Variants in PDS5A observed in about 807,000 individuals in gnomAD.
PDS5A encodes the protein PDS5 cohesin associated factor A.
PDS5A carries 42 observed loss-of-function variants against 167.1 expected under a neutral mutation model. The ratio of observed to expected loss-of-function variants is 0.25; its 90% CI spans 0.20 to 0.33. The LOEUF is 0.33. PDS5A is among the 10% of genes least tolerant of loss of function. PDS5A has a pLI of 1.00. For synonymous variants in PDS5A, 553 were observed against 554.6 expected (o/e 1.00, Z 0.04); for missense variants, 1,033 against 1,605.9 (o/e 0.64, Z 6.10).
chr4:39,943,479 A>G (rs767195297), intron 2 of PDS5A, among the ~76,000 whole-genome samples: 14 of 151,928 alleles, frequency 9.2e-5, no homozygotes, highest in Non-Finnish European at 1.6e-4. Context: ...TCCAAACCCA[A>G]TTCTATTTTA....
intron 11 of PDS5A, among the ~76,000 whole-genome samples, 155 bp from the exon 12 acceptor site, chr4:39,904,346 A>T (rs1389920606): frequency 1.3e-5 from 2 of 150,346 alleles, no homozygotes; most frequent in Admixed American, 1.3e-4. Context: ...AAACAATTTT[A>T]TTTTTTTTTT....
intron 26 of PDS5A, among the ~76,000 whole-genome samples, chr4:39,854,467 C>T (rs1277935871): frequency 6.6e-6 from 1 of 152,122 alleles, no homozygotes; most frequent in Non-Finnish European, 1.5e-5. Flanking sequence ...CTTTGACCTC[C>T]AATATTCTTC....
chr4:39,850,353 G>GGTA (rs778095879), intron 26 of PDS5A, among the ~76,000 whole-genome samples: 1 of 151,944 alleles, frequency 6.6e-6, no homozygotes, highest in Non-Finnish European at 1.5e-5. Flanking sequence ...AGCTGGGCAT[G>GGTA]GTAGTGGGCT....
At chr4:39,890,621 C>T (rs1446239152) in intron 16 of PDS5A, among the ~76,000 whole-genome samples, 1 of 151,964 alleles carries the variant, frequency 6.6e-6, no homozygotes, top group African/African-American at 2.4e-5. Flanking sequence ...GTTGATATAG[C>T]AACTTTTTTT....
chr4:39,842,740 C>G (rs1004294445), intron 30 of PDS5A, among the ~76,000 whole-genome samples: 3 of 150,912 alleles, frequency 2.0e-5, no homozygotes, highest in Non-Finnish European at 2.9e-5. Context: ...CACAAACACC[C>G]CATAAATATG....
At chr4:39,909,580 C>T (rs1723718256) in intron 10 of PDS5A, among the ~76,000 whole-genome samples, 1 of 152,160 alleles carries the variant, frequency 6.6e-6, no homozygotes, top group African/African-American at 2.4e-5. Context: ...CAGGTATATA[C>T]TTGCAAATTA....
intron 2 of PDS5A, among the ~76,000 whole-genome samples, chr4:39,944,065 C>T (rs1727501887): frequency 1.3e-5 from 2 of 150,024 alleles, no homozygotes; most frequent in African/African-American, 4.9e-5. Context: ...GTAGTCCCAG[C>T]TACTCAGGAG....
chr4:39,898,310 GTA>G, intron 16 of PDS5A, 77 bp downstream of exon 16: 1 of 1,418,486 alleles, frequency 7.0e-7, no homozygotes, highest in Non-Finnish European at 9.3e-7. Flanking sequence ...ACAAATCACT[GTA>G]TGTAAAACAG....
At chr4:39,885,972 A>G (rs1407306048) in intron 17 of PDS5A, among the ~76,000 whole-genome samples, 7 of 152,230 alleles carry the variant, frequency 4.6e-5, no homozygotes, top group African/African-American at 1.7e-4. Flanking sequence ...GAGAAAGAAA[A>G]AAAAGCCAAT....
chr4:39,895,361 C>T (rs560958229), intron 16 of PDS5A, among the ~76,000 whole-genome samples: 1 of 152,228 alleles, frequency 6.6e-6, no homozygotes, highest in African/African-American at 2.4e-5. Context: ...GGAACTGTAA[C>T]ACAGTGGTAT....
intron 13 of PDS5A, among the ~76,000 whole-genome samples, chr4:39,900,965 T>G (rs978793626): frequency 6.6e-6 from 1 of 152,220 alleles, no homozygotes; most frequent in Non-Finnish European, 1.5e-5. Context: ...CACTATAGAC[T>G]ATTTTGAAAA....
chr4:39,844,111 C>T (rs1455075032), intron 30 of PDS5A, among the ~76,000 whole-genome samples: 1 of 152,022 alleles, frequency 6.6e-6, no homozygotes, highest in African/African-American at 2.4e-5. Flanking sequence ...GATCCTGCCA[C>T]TGCCCTCCAG....
At chr4:39,842,565 T>C (rs77133261) in intron 30 of PDS5A, among the ~76,000 whole-genome samples, 3,128 of 152,246 alleles carry the variant, frequency 0.021, 58 homozygotes, top group Non-Finnish European at 0.032. Flanking sequence ...AAAACATCAT[T>C]GGTTGAGTTT....
At chr4:39,871,852 C>T (rs1388629187) in intron 21 of PDS5A, among the ~76,000 whole-genome samples, 11 of 151,780 alleles carry the variant, frequency 7.2e-5, no homozygotes, top group Admixed American at 6.6e-4. Flanking sequence ...TACAGGCACT[C>T]GCCACCAAGC....
Position 39,879,793 on chromosome 4 carries a change from C to A in PDS5A, c.1927G>T (p.Ala643Ser). 6.2e-7 allele frequency: 1 copy of A among 1,611,496 alleles called. No individual in the cohort carries two copies. The highest frequency in any genetic ancestry group is 8.5e-7 in the Non-Finnish European group (1 of 1,177,780). The change falls in exon 18 of 33, where the codon GCA (alanine) becomes TCA (serine). Residue 643 changes from alanine to serine, a missense_variant. Around this residue, in one of 4 missense-constraint regions of PDS5A, gnomAD observed 367 missense variants for 686.7 expected, o/e 0.53. Transcript: ENST00000303538. Reference protein sequence around the residue: ...KLMNKSIEGTADDEEEGVSPD... With the variant: ...KLMNKSIEGTSDDEEEGVSPD... ...CTTACACCCTCCTCTTCATCATCTGCTGTCCCCTCTATTGACTTATTCATC... is the reference window on the plus strand; with the variant it reads ...CTTACACCCTCCTCTTCATCATCTGATGTCCCCTCTATTGACTTATTCATC...
intron 22 of PDS5A, chr4:39,868,530 TG>T (rs1468433884): frequency 2.7e-6 from 1 of 376,150 alleles, no homozygotes; most frequent in African/African-American, 2.1e-5. Context: ...GGTTTCACCA[TG>T]TTGTCCAGAC....
intron 8 of PDS5A, among the ~76,000 whole-genome samples, chr4:39,915,884 A>T (rs1488464127): frequency 1.3e-5 from 2 of 152,214 alleles, no homozygotes; most frequent in East Asian, 3.8e-4. Flanking sequence ...TCACATCTAT[A>T]AACTACAGAA....
At chr4:39,957,417 C>A (rs1287150778) in intron 2 of PDS5A, among the ~76,000 whole-genome samples, 1 of 152,070 alleles carries the variant, frequency 6.6e-6, no homozygotes, top group South Asian at 2.1e-4. Context: ...TTAAATTTTA[C>A]TCATCCACGG....
chr4:39,934,939 G>A (rs1335142029), intron 2 of PDS5A, among the ~76,000 whole-genome samples: 2 of 151,572 alleles, frequency 1.3e-5, no homozygotes, highest in Non-Finnish European at 2.9e-5. Context: ...TATCAGATAC[G>A]TATATTGCAA....
Sources: allele counts gnomAD v4.1 joint callset (sites outside exome capture counted in the v4.1 genomes callset), GRCh38; gene constraint gnomAD v4.1.1; regional missense constraint gnomAD v4.1.1; transcripts MANE v1.5; gene names NCBI Gene and HGNC (gene_info 2026-07-23, HGNC 2026-07-21).